RIMS2: variants seen among roughly 807,000 people sequenced by gnomAD.
RIMS2 encodes the protein regulating synaptic membrane exocytosis protein 2.
Under a neutral mutation model 174.4 loss-of-function variants are expected in RIMS2, and 59 were observed. The observed-to-expected ratio is 0.34, with a 90% confidence interval of 0.27 to 0.42. The LOEUF is 0.42. RIMS2 is among the 10% of genes least tolerant of loss of function. The probability of loss-of-function intolerance (pLI) is 1.00; values close to 1 mark genes in which losing one functional copy is unlikely to be tolerated. For missense variants in RIMS2, 1,620 were observed against 1,666.3 expected (o/e 0.97, Z 0.48); for synonymous variants, 606 against 572.5 (o/e 1.06, Z -0.84).
intron 14 of RIMS2, among the ~76,000 whole-genome samples, chr8:103,943,318 A>C (rs2082974309): frequency 6.6e-6 from 1 of 152,194 alleles, no homozygotes. Flanking sequence ...TATTTTATGA[A>C]TATGTAGTAT....
Position 103,820,462 on chromosome 8 carries a change from G to C in RIMS2, c.698+53925G>C, listed in dbSNP as rs566029318. On this transcript the variant is annotated intron_variant, in intron 3 of 23. Transcript: ENST00000504942. ...AATGCACTGAAACCTTCTGGAAACC[G>C]ATGGGGAACTAATAGTGCATAAAAT... 5.9e-5 allele frequency among the ~76,000 whole-genome samples: 9 copies of C among 151,998 alleles called. No individual in the cohort carries two copies. The South Asian group carries it at 1.9e-3, about 31-fold the overall frequency.
At chr8:103,589,390 T>A (rs1344607243) in intron 1 of RIMS2, among the ~76,000 whole-genome samples, 1 of 151,570 alleles carries the variant, frequency 6.6e-6, no homozygotes, top group Non-Finnish European at 1.5e-5. Context: ...ATCATCTCAC[T>A]CCAGTTAAAA....
chr8:103,597,622 A>G (rs2094527593), intron 1 of RIMS2, among the ~76,000 whole-genome samples: 1 of 151,730 alleles, frequency 6.6e-6, no homozygotes, highest in South Asian at 2.1e-4. Flanking sequence ...TCTCCTTTGA[A>G]CTCTTTTATA....
intron 10 of RIMS2, among the ~76,000 whole-genome samples, chr8:103,925,292 T>C (rs1173716403): frequency 6.6e-6 from 1 of 151,616 alleles, no homozygotes. Flanking sequence ...AAAATATCTT[T>C]TGACTCCATT....
intron 3 of RIMS2, among the ~76,000 whole-genome samples, chr8:103,768,086 C>A (rs1419541002): frequency 6.6e-6 from 1 of 152,100 alleles, no homozygotes; most frequent in South Asian, 2.1e-4. Flanking sequence ...GGTTGGGTTG[C>A]TGGTAGTATC....
intron 1 of RIMS2, among the ~76,000 whole-genome samples, chr8:103,512,992 T>G (rs1827278649): frequency 6.6e-6 from 1 of 152,202 alleles, no homozygotes; most frequent in African/African-American, 2.4e-5. Context: ...TTTTGAAATT[T>G]TGCATTTTTA....
rs745949957 is a variant in RIMS2 at position 103,766,377 on chromosome 8, A to G, written c.538A>G (p.Lys180Glu). The G allele has an allele frequency of 1.9e-6, 3 of 1,613,972 alleles. No individual in the cohort carries two copies. The East Asian group carries it at 6.7e-5, about 36-fold the overall frequency. The change falls in exon 3 of 24, where the codon AAA (lysine) becomes GAA (glutamate). Residue 180 changes from lysine (K) to glutamate (E), a missense_variant. By Grantham distance (56) the Lys-to-Glu change is moderately conservative. Transcript: ENST00000504942. ...AAATGAGGAGGCACCTCAGGAGAAGAAACCAAAACTACATGAGCAGACCCA... is the reference window on the plus strand; with the variant it reads ...AAATGAGGAGGCACCTCAGGAGAAGGAACCAAAACTACATGAGCAGACCCA...
chr8:103,601,624 C>T (rs969004589), intron 1 of RIMS2, among the ~76,000 whole-genome samples: 6 of 151,758 alleles, frequency 4.0e-5, no homozygotes, highest in African/African-American at 1.5e-4. Context: ...TATTCAGCCA[C>T]TCTGTGTCTT....
intron 19 of RIMS2, among the ~76,000 whole-genome samples, chr8:104,109,847 T>C (rs1251657174): frequency 6.6e-6 from 1 of 152,192 alleles, no homozygotes; most frequent in Non-Finnish European, 1.5e-5. Context: ...TGTTTCATAG[T>C]TTGATATGGT....
chr8:104,041,479 A>G, intron 19 of RIMS2, 121 bp downstream of exon 22: 4 of 509,298 alleles, frequency 7.9e-6, no homozygotes, highest in Non-Finnish European at 1.4e-5. Flanking sequence ...AAAATATTAA[A>G]TCTTATGAGC....
At chr8:103,661,665 G>C (rs1329631908) in intron 1 of RIMS2, among the ~76,000 whole-genome samples, 2 of 152,002 alleles carry the variant, frequency 1.3e-5, no homozygotes, top group Non-Finnish European at 2.9e-5. Context: ...CGCCACCCCT[G>C]GCTGATTTTT....
chr8:104,226,125 C>T (rs1280709766), intron 19 of RIMS2, among the ~76,000 whole-genome samples: 1 of 152,120 alleles, frequency 6.6e-6, no homozygotes, highest in Non-Finnish European at 1.5e-5. Context: ...CTGTGAGACT[C>T]ATTCACATTT....
At chr8:104,072,654 G>A (rs1158200466) in intron 19 of RIMS2, among the ~76,000 whole-genome samples, 1 of 151,288 alleles carries the variant, frequency 6.6e-6, no homozygotes, top group Non-Finnish European at 1.5e-5. Flanking sequence ...GTTAGCCTAG[G>A]TTTTTTTTTA....
At chr8:104,048,362 A>G (rs1178594885) in intron 19 of RIMS2, among the ~76,000 whole-genome samples, 1 of 152,192 alleles carries the variant, frequency 6.6e-6, no homozygotes, top group African/African-American at 2.4e-5. Flanking sequence ...AATAAATACT[A>G]TTTTAAATGA....
At chr8:104,099,372 G>A (rs1299596447) in intron 19 of RIMS2, among the ~76,000 whole-genome samples, 2 of 152,126 alleles carry the variant, frequency 1.3e-5, no homozygotes, top group African/African-American at 4.8e-5. Flanking sequence ...CTTTTTTGTT[G>A]TTGTTTTCTT....
At chr8:103,539,362 A>T (rs1841435081) in intron 1 of RIMS2, among the ~76,000 whole-genome samples, 1 of 152,222 alleles carries the variant, frequency 6.6e-6, no homozygotes, top group Non-Finnish European at 1.5e-5. Context: ...TTTATTTCAC[A>T]CACACAAAAA....
intron 1 of RIMS2, among the ~76,000 whole-genome samples, chr8:103,560,537 C>G (rs764606102): frequency 1.3e-4 from 20 of 152,118 alleles, no homozygotes; most frequent in Non-Finnish European, 1.3e-4. Context: ...TTGAATGTTG[C>G]TGAATACACA....
At chr8:103,902,765 G>T (rs2073452423) in intron 4 of RIMS2, among the ~76,000 whole-genome samples, 3 of 152,022 alleles carry the variant, frequency 2.0e-5, no homozygotes, top group Non-Finnish European at 2.9e-5. Flanking sequence ...TAAGTTTGTG[G>T]AAACAATATA....
chr8:103,771,021 T>G lies in RIMS2; in HGVS notation c.698+4484T>G, dbSNP rs1336239972. ...AAAGTATGTTACTCTTTTAAGGAGC[T>G]TTAATCTATAACATGATGTAGTAGT... is the stretch of plus-strand genomic sequence containing the variant. On this transcript the variant is annotated intron_variant, in intron 3 of 23. Transcript: ENST00000504942. Among the ~76,000 whole-genome samples, 4 of 152,338 alleles carry G rather than the reference T, an allele frequency of 2.6e-5. No homozygotes were observed. The East Asian group carries it at 7.7e-4, about 29-fold the overall frequency.
Sources: allele counts gnomAD v4.1 joint callset (sites outside exome capture counted in the v4.1 genomes callset), GRCh38; gene constraint gnomAD v4.1.1; transcripts MANE v1.5; gene names NCBI Gene and HGNC (gene_info 2026-07-23, HGNC 2026-07-21).